The following ABR variants were observed in gnomAD, a reference collection of about 807,000 sequenced individuals.
ABR encodes the protein ABR activator of RhoGEF and GTPase.
In ABR, 35 loss-of-function variants were observed where a neutral mutation model predicts 107.2. The ratio of observed to expected loss-of-function variants is 0.33; its 90% confidence interval spans 0.25 to 0.43. The LOEUF (loss-of-function observed/expected upper bound fraction) is 0.43, where lower values mean the gene tolerates loss of function less well. Ranked by LOEUF, ABR falls within the 20% of genes least tolerant of loss-of-function variation. The probability of loss-of-function intolerance (pLI) is 1.00; values close to 1 mark genes in which losing one functional copy is unlikely to be tolerated. For missense variants in ABR, 815 were observed against 1,115.2 expected, an observed-to-expected ratio of 0.73 and a Z score of 3.83; for synonymous variants, 498 against 462.0, an observed-to-expected ratio of 1.08 and a Z score of -1.00.
intron 1 of ABR, among the ~76,000 whole-genome samples, chr17:1,163,149 T>A (rs1305851075): frequency 1.3e-5 from 2 of 152,234 alleles, no homozygotes. Flanking sequence ...CTGGAGATGA[T>A]AAGTATCTTC....
rs375776360 is a variant in ABR, at chr17:1,050,092, G to A, written c.1749C>T (p.Asn583=). ...CCATGATCTTGTCCACGATCTCATT[G>A]TTGTCCTTGTTGACCTTGGTCTTGT... ...CYDKTKVNKD[N]NEIVDKIMGK... Residue 583 remains asparagine (N), a synonymous_variant, in exon 16 of 23, where the codon AAC becomes AAT. Coordinates refer to ENST00000302538, the MANE Select transcript of ABR (RefSeq NM_021962.5). This position sits in a 1 kb window ranked among gnomAD's most constrained non-coding sequence, Gnocchi z 4.6. The A allele has an allele frequency of 2.5e-6, 4 of 1,613,994 alleles. No homozygotes were observed. Among genetic ancestry groups the A allele is most frequent in the African/African-American group, 2.7e-5 (2 of 74,918 alleles).
chr17:1,079,529 C>G (rs551194203), intron 5 of ABR, 139 bp from the exon 6 acceptor site: 49 of 784,104 alleles, frequency 6.2e-5, no homozygotes, highest in South Asian at 5.5e-4. Flanking sequence ...CGGCTCACGC[C>G]AGTCATCCCA....
At chr17:1,057,878 G>T in intron 12 of ABR, 92 bp downstream of exon 12, 1 of 1,194,720 alleles carries the variant, frequency 8.4e-7, no homozygotes, top group Non-Finnish European at 1.2e-6. Flanking sequence ...GAGGGCCAAA[G>T]ACGTGATACT....
At chr17:1,178,924 C>T (rs1037192442) in intron 1 of ABR, among the ~76,000 whole-genome samples, 3 of 151,928 alleles carry the variant, frequency 2.0e-5, no homozygotes, top group Non-Finnish European at 2.9e-5. Context: ...ATCAGTTACG[C>T]ATCCCCCGGG....
intron 1 of ABR, among the ~76,000 whole-genome samples, chr17:1,145,125 C>G (rs561441902): frequency 6.6e-6 from 1 of 152,212 alleles, no homozygotes; most frequent in East Asian, 1.9e-4. Flanking sequence ...CTGTCTTCCC[C>G]GCGAGGTGGT....
chr17:1,064,794 CTGT>C (rs55932900), intron 10 of ABR, among the ~76,000 whole-genome samples: 3 of 127,816 alleles, frequency 2.3e-5, no homozygotes, highest in South Asian at 2.7e-4. Context: ...CCTCTAGACA[CTGT>C]TGTTATGTGA....
chr17:1,012,628 CGGGCTGGGGGG>C, intron 18 of ABR, 49 bp downstream of exon 18: 1 of 1,309,888 alleles, frequency 7.6e-7, no homozygotes, highest in South Asian at 1.3e-5. Flanking sequence ...CTGGGGGGCC[CGGGCTGGGGGG>C]GACCCGGGGC....
At chr17:1,012,067 C>T (rs1452719641) in intron 18 of ABR, 82 bp from the exon 19 acceptor site, 2 of 1,590,762 alleles carry the variant, frequency 1.3e-6, no homozygotes, top group Middle Eastern at 1.7e-4. Context: ...ACACACACAC[C>T]CTGGAGAGCT....
chr17:1,020,818 C>T (rs2071564485), intron 16 of ABR, among the ~76,000 whole-genome samples: 1 of 152,146 alleles, frequency 6.6e-6, no homozygotes, highest in African/African-American at 2.4e-5. Context: ...TTCCTCTCGG[C>T]TCACCTCTCA....
chr17:1,123,068 C>T (rs2039420636), intron 2 of ABR, among the ~76,000 whole-genome samples: 1 of 152,164 alleles, frequency 6.6e-6, no homozygotes, highest in Non-Finnish European at 1.5e-5. Context: ...CAAAACATCC[C>T]CAAGTACTCA....
At chr17:1,132,870 G>T (rs2039908249) in intron 1 of ABR, among the ~76,000 whole-genome samples, 1 of 152,180 alleles carries the variant, frequency 6.6e-6, no homozygotes, top group Admixed American at 6.5e-5. Context: ...AATTGGCAAG[G>T]ATTTTAAGAT....
chr17:1,157,290 G>A lies in ABR; in HGVS notation c.61+22377C>T, dbSNP rs146891282. ...TTTTGAGATGAAGTCTCACTCTGTC[G>A]CCCAGGCTGGAGTGCAAAGGTGCAA... On this transcript the variant is annotated intron_variant, in intron 1 of 22. Transcript: ENST00000302538. The surrounding 1 kb of genome is among the most constrained non-coding windows in gnomAD (Gnocchi z 4.7). Among the ~76,000 whole-genome samples the A allele has an allele frequency of 0.017, 2,379 of 143,490 alleles. 60 individuals are homozygous for A. The highest frequency in any genetic ancestry group is 0.058 in the African/African-American group (2,223 of 38,520). 94.1% of individuals were successfully genotyped at this position (143,490 alleles called of 152,430 possible). A position where few individuals can be genotyped will look rare whatever the true frequency, so the allele number is the denominator to read the frequency against.
rs1158639808 is a variant in ABR, at chr17:1,006,052, C to T, written c.*28G>A. ...CCCAGGCTGGAGGGGCTGGTTCCAC[C>T]ACCCGCCCGCAGCCACCCTGCCTCG... On this transcript the variant is annotated 3_prime_UTR_variant, in exon 23 of 23. Transcript: ENST00000302538. 6.5e-7 allele frequency: 1 copy of T among 1,538,808 alleles called. No homozygotes were observed. The highest frequency in any genetic ancestry group is 8.8e-7 in the Non-Finnish European group (1 of 1,135,168).
chr17:1,026,325 G>A (rs2072191546), intron 16 of ABR, among the ~76,000 whole-genome samples: 1 of 152,250 alleles, frequency 6.6e-6, no homozygotes, highest in African/African-American at 2.4e-5. Flanking sequence ...CTGAGGGGCT[G>A]GGGACCCCGG....
intron 2 of ABR, among the ~76,000 whole-genome samples, chr17:1,123,957 G>A (rs540254517): frequency 3.3e-5 from 5 of 151,924 alleles, no homozygotes; most frequent in Middle Eastern, 3.4e-3. Flanking sequence ...CAACCCCCTC[G>A]CCGGCCCCCT....
intron 1 of ABR, among the ~76,000 whole-genome samples, chr17:1,163,002 G>A (rs2151574728): frequency 1.3e-5 from 2 of 152,306 alleles, no homozygotes; most frequent in Middle Eastern, 6.8e-3. Context: ...AACCCAGAAG[G>A]TGGAGGTTGC....
At chr17:1,129,283 A>G (rs1027177082) in intron 1 of ABR, among the ~76,000 whole-genome samples, 2 of 152,224 alleles carry the variant, frequency 1.3e-5, no homozygotes, top group Non-Finnish European at 2.9e-5. Flanking sequence ...CACGCCTGTA[A>G]TCCCAGCACT....
intron 6 of ABR, among the ~76,000 whole-genome samples, chr17:1,076,714 C>CGGGGGGGGGGGGGG: frequency 2.4e-5 from 1 of 42,140 alleles, no homozygotes; most frequent in African/African-American, 1.7e-4. Context: ...GGCAGGTGCA[C>CGGGGGGGGGGGGGG]GGGGGGGGTG....
chr17:1,106,506 T>C (rs2038256503), intron 2 of ABR, among the ~76,000 whole-genome samples: 1 of 149,854 alleles, frequency 6.7e-6, no homozygotes, highest in African/African-American at 2.5e-5. Flanking sequence ...GGTGCCCTTT[T>C]ATCAGTACTC....
Sources: allele counts gnomAD v4.1 joint callset (sites outside exome capture counted in the v4.1 genomes callset), GRCh38; gene constraint gnomAD v4.1.1; non-coding constraint Gnocchi (gnomAD v3.1); transcripts MANE v1.5; gene names NCBI Gene and HGNC (gene_info 2026-07-23, HGNC 2026-07-21).